SLC24A1: variants seen among roughly 807,000 people sequenced by gnomAD.
SLC24A1 encodes sodium/potassium/calcium exchanger 1.
Under a neutral mutation model 88.1 loss-of-function variants are expected in SLC24A1, and 52 were observed. The ratio of observed to expected loss-of-function variants is 0.59; its 90% CI spans 0.47 to 0.74. The LOEUF (loss-of-function observed/expected upper bound fraction) is 0.74, where lower values mean the gene tolerates loss of function less well. Among genes scored for constraint, SLC24A1 ranks in the 30% least tolerant of loss-of-function variants. SLC24A1 has a pLI of 0.00. For synonymous variants in SLC24A1, 455 were observed against 498.0 expected, an observed-to-expected ratio of 0.91 and a Z score of 1.15; for missense variants, 1,173 against 1,363.3, an observed-to-expected ratio of 0.86 and a Z score of 2.20.
chr15:65,632,784 G>A (rs542927563), intron 2 of SLC24A1, among the ~76,000 whole-genome samples: 52 of 152,312 alleles, frequency 3.4e-4, no homozygotes, highest in Non-Finnish European at 4.7e-4. Flanking sequence ...TCTAGGTTTT[G>A]TGGGGCCTGA....
chr15:65,659,834 A>G (rs1238689847), downstream of SLC24A1: 1 of 153,288 alleles, frequency 6.5e-6, no homozygotes, highest in East Asian at 1.9e-4. Flanking sequence ...GCTTTTCCAA[A>G]TGAGTCTGAA....
At chr15:65,632,846 C>T (rs1202466705) in intron 2 of SLC24A1, among the ~76,000 whole-genome samples, 1 of 152,118 alleles carries the variant, frequency 6.6e-6, no homozygotes, top group Non-Finnish European at 1.5e-5. Context: ...TAGGTGCAAG[C>T]CTTGGAAGGG....
chr15:65,655,105 T>C lies in SLC24A1; in HGVS notation c.*1026T>C. The C allele has an allele frequency of 9.9e-7, 1 of 1,009,722 alleles. No homozygotes were observed. The highest frequency in any genetic ancestry group is 5.0e-4 in the Middle Eastern group (1 of 1,982). 62.5% of individuals were successfully genotyped at this position (1,009,722 alleles called of 1,614,324 possible). ...AACATGCAAATTCATGTTGTCTCCA[T>C]CAGTGGTCACCTTGAGGGATTAGAC... is the stretch of plus-strand genomic sequence containing the variant. On this transcript the variant is annotated 3_prime_UTR_variant, in exon 10 of 10. Transcript: ENST00000261892.
intron 4 of SLC24A1, among the ~76,000 whole-genome samples, chr15:65,642,467 T>C (rs1394644896): frequency 6.6e-6 from 1 of 152,042 alleles, no homozygotes; most frequent in African/African-American, 2.4e-5. Flanking sequence ...GTGATGAGGA[T>C]GAGAAGGAAA....
Position 65,635,584 on chromosome 15 carries a change from G to T in SLC24A1, c.1891-2544G>T, listed in dbSNP as rs867017055. Among the ~76,000 whole-genome samples the T allele has an allele frequency of 3.3e-5, 5 of 152,050 alleles. No individual in the cohort carries two copies. The South Asian group carries it at 8.3e-4, about 25-fold the overall frequency. On this transcript the variant is annotated intron_variant, in intron 2 of 9. Coordinates refer to ENST00000261892, the MANE Select transcript of SLC24A1 (RefSeq NM_004727.3). ...TAAATCCCAGTAAACTTATAGGTGT[G>T]TCACAAAAGAGTTGGGGGGATTTCT...
intron 6 of SLC24A1, among the ~76,000 whole-genome samples, chr15:65,647,208 T>C (rs745732934): frequency 1.3e-5 from 2 of 152,170 alleles, no homozygotes; most frequent in Non-Finnish European, 2.9e-5. Context: ...CCGGGTGTTG[T>C]GGCTCACACC....
chr15:65,621,013 G>A (rs1343170600), upstream of SLC24A1, among the ~76,000 whole-genome samples: 1 of 152,166 alleles, frequency 6.6e-6, no homozygotes, highest in Non-Finnish European at 1.5e-5. Context: ...TCCACAGTGG[G>A]TGGGCCCTTC....
In SLC24A1 at chr15:65,654,649, A is replaced by G; in HGVS notation, c.*570A>G. 1 of 1,272,400 alleles carries G rather than the reference A, an allele frequency of 7.9e-7. No individual in the cohort carries two copies. Among genetic ancestry groups the G allele is most frequent in the Non-Finnish European group, 1.0e-6 (1 of 984,262 alleles). The allele number at this position is 1,272,400 out of a possible 1,614,324, so 78.8% of individuals were successfully genotyped here. A position where few individuals can be genotyped will look rare whatever the true frequency, so the allele number is the denominator to read the frequency against. On this transcript the variant is annotated 3_prime_UTR_variant, in exon 10 of 10. Transcript: ENST00000261892. ...ACAGAAAAAAAAGAAATATAACAGG[A>G]ATTAATGATCATTCCACGTTTTGTA... is the stretch of plus-strand genomic sequence containing the variant.
At chr15:65,639,923 A>G (rs1385240475) in intron 4 of SLC24A1, among the ~76,000 whole-genome samples, 3 of 152,286 alleles carry the variant, frequency 2.0e-5, no homozygotes, top group East Asian at 3.9e-4. Context: ...CATGGAGGCT[A>G]AGGTCCTTGG....
rs780829630 is a variant in SLC24A1 at position 65,650,884 on chromosome 15, T to G, written c.2735T>G (p.Leu912Arg). Residue 912 changes from leucine (L) to arginine (R), a missense_variant, in exon 7 of 10, where the codon CTC becomes CGC. Leu to Arg is a moderately radical substitution (Grantham distance 102). Transcript: ENST00000261892. The surrounding 1 kb of genome is among the most constrained non-coding windows in gnomAD (Gnocchi z 4.1). ...ACCAGGCAGAAGCAGGCCATTTACCTCTTCCTTCTGCCCATCGTGTTCCCA... is the reference window on the plus strand; with the variant it reads ...ACCAGGCAGAAGCAGGCCATTTACCGCTTCCTTCTGCCCATCGTGTTCCCA... ...PETRQKQAIY[L>R]FLLPIVFPLW... The G allele has an allele frequency of 3.1e-6, 5 of 1,613,824 alleles. No individual in the cohort carries two copies. Among genetic ancestry groups the G allele is most frequent in the Non-Finnish European group, 4.2e-6 (5 of 1,179,874 alleles).
rs181068344 is a variant in SLC24A1 at position 65,625,492 on chromosome 15, T to G, written c.1412T>G (p.Ile471Ser). The G allele has an allele frequency of 1.1e-5, 18 of 1,614,032 alleles. No individual in the cohort carries two copies. The highest frequency in any genetic ancestry group is 3.3e-4 in the Middle Eastern group (2 of 6,062). The change falls in exon 2 of 10, where the codon ATT becomes AGT. Residue 471 changes from isoleucine (I) to serine (S), a missense_variant. Ile to Ser is a moderately radical substitution (Grantham distance 142, BLOSUM62 -2). Coordinates refer to ENST00000261892, the MANE Select transcript of SLC24A1 (RefSeq NM_004727.3). ...GMMYVFVALA[I>S]VCDEYFVPAL... ...ATGTATGTGTTTGTGGCCTTGGCCATTGTTTGCGACGAGTACTTCGTTCCA... is the reference window on the plus strand; with the variant it reads ...ATGTATGTGTTTGTGGCCTTGGCCAGTGTTTGCGACGAGTACTTCGTTCCA...
chr15:65,625,449 C>T lies in SLC24A1; in HGVS notation c.1369C>T (p.Leu457=), dbSNP rs367656473. ...GGAGCGGCGGCAGGGCTGGGTGGTCCTGCACGTTTTTGGCATGATGTATGT... is the reference window on the plus strand; with the variant it reads ...GGAGCGGCGGCAGGGCTGGGTGGTCTTGCACGTTTTTGGCATGATGTATGT... The part of the protein sequence containing the change: ...VEERRQGWVV[L]HVFGMMYVFV... The change falls in exon 2 of 10, where the codon CTG becomes TTG. Residue 457 remains leucine (L), a synonymous_variant. Coordinates refer to ENST00000261892, the MANE Select transcript of SLC24A1 (RefSeq NM_004727.3). The T allele has an allele frequency of 2.5e-5, 41 of 1,614,042 alleles. No homozygotes were observed. The South Asian group carries it at 3.1e-4, about 12-fold the overall frequency.
At chr15:65,635,446 C>CAAAAAAAAAAAAAAAAAAAAAAA (rs56960432) in intron 2 of SLC24A1, among the ~76,000 whole-genome samples, 2 of 58,352 alleles carry the variant, frequency 3.4e-5, no homozygotes, top group Non-Finnish European at 6.0e-5. Context: ...ACTCCGTCTC[C>CAAAAAAAAAAAAAAAAAAAAAAA]AAAAAAAAAA....
At position 65,655,632 on chromosome 15, in the gene SLC24A1, A is replaced by T. The variant is rs1262622300; in HGVS notation, c.*1553A>T. On this transcript the variant is annotated 3_prime_UTR_variant, in exon 10 of 10. Transcript: ENST00000261892. ...GGGTGACTGCAGATTATGATGGTAA[A>T]TATGGCTTTAATTACAAACATGAGG... 3 of 985,298 alleles carry T rather than the reference A, an allele frequency of 3.0e-6. No individual in the cohort carries two copies. In the African/African-American group the frequency reaches 5.2e-5, roughly 17 times the overall value. The allele number at this position is 985,298 out of a possible 1,614,324, so 61.0% of individuals were successfully genotyped here. A position where few individuals can be genotyped will look rare whatever the true frequency, so the allele number is the denominator to read the frequency against.
downstream of SLC24A1, among the ~76,000 whole-genome samples, chr15:65,657,516 G>A (rs572932611): frequency 7.9e-5 from 12 of 152,262 alleles, no homozygotes; most frequent in South Asian, 1.9e-3. Flanking sequence ...GGTGGCAGGC[G>A]CCTATAGTCC....
intron 4 of SLC24A1, among the ~76,000 whole-genome samples, chr15:65,641,237 G>A (rs1461918228): frequency 1.3e-5 from 2 of 152,140 alleles, no homozygotes; most frequent in African/African-American, 2.4e-5. Flanking sequence ...GCACACACCT[G>A]TAGTCCCAGC....
intron 2 of SLC24A1, among the ~76,000 whole-genome samples, chr15:65,637,066 C>G (rs1045470886): frequency 6.6e-5 from 10 of 151,846 alleles, no homozygotes; most frequent in African/African-American, 2.4e-4. Context: ...CTACATGTAG[C>G]TGGTAGACAA....
At position 65,639,343 on chromosome 15, in the gene SLC24A1, T is replaced by A. The variant is rs535966608; in HGVS notation, c.1945-252T>A. Among the ~76,000 whole-genome samples, 42 of 152,308 alleles carry A rather than the reference T, an allele frequency of 2.8e-4. No homozygotes were observed. The South Asian group carries it at 8.3e-3, about 30-fold the overall frequency. ...AACGTGATATTCCTAATACACCAGG[T>A]TGCTCCCTGTGGAGACGTTGGGAAA... On this transcript the variant is annotated intron_variant, in intron 3 of 9. Coordinates refer to ENST00000261892, the MANE Select transcript of SLC24A1 (RefSeq NM_004727.3).
rs1399478722 is a variant in SLC24A1, at chr15:65,650,099, T to G, written c.2233-283T>G. On this transcript the variant is annotated intron_variant, in intron 6 of 9. Coordinates refer to ENST00000261892, the MANE Select transcript of SLC24A1 (RefSeq NM_004727.3). The surrounding 1 kb of genome is among the most constrained non-coding windows in gnomAD (Gnocchi z 4.1). ...AAACCTATACATGGGGGTAGAACTTTGATATAAATATGGACTTCAGATGAA... is the reference window on the plus strand; with the variant it reads ...AAACCTATACATGGGGGTAGAACTTGGATATAAATATGGACTTCAGATGAA... Among the ~76,000 whole-genome samples the G allele has an allele frequency of 6.6e-6, 1 of 152,150 alleles. No homozygotes were observed. Among genetic ancestry groups the G allele is most frequent in the Admixed American group, 6.5e-5 (1 of 15,284 alleles).
Sources: allele counts gnomAD v4.1 joint callset (sites outside exome capture counted in the v4.1 genomes callset), GRCh38; gene constraint gnomAD v4.1.1; non-coding constraint Gnocchi (gnomAD v3.1); transcripts MANE v1.5; gene names NCBI Gene and HGNC (gene_info 2026-07-23, HGNC 2026-07-21).